The following SNAPC1 variants were observed in gnomAD, a reference collection of about 807,000 sequenced individuals.
SNAPC1 encodes the protein snRNA-activating protein complex subunit 1.
Under a neutral mutation model 50.1 loss-of-function variants are expected in SNAPC1, and 42 were observed. The ratio of observed to expected loss-of-function variants is 0.84; its 90% CI spans 0.65 to 1.08. The LOEUF (loss-of-function observed/expected upper bound fraction) is 1.08, where lower values mean the gene tolerates loss of function less well. Ranked by LOEUF, SNAPC1 falls within the 50% of genes least tolerant of loss-of-function variation. SNAPC1 has a pLI of 0.00. For missense variants in SNAPC1, 477 were observed against 427.3 expected (o/e 1.12, Z -1.02); for synonymous variants, 164 against 144.2 (o/e 1.14, Z -0.98).
At chr14:61,789,426 T>C (rs190778690) in intron 8 of SNAPC1, among the ~76,000 whole-genome samples, 31 of 152,032 alleles carry the variant, frequency 2.0e-4, no homozygotes, top group Admixed American at 5.2e-4. Context: ...ACTGAAGAAA[T>C]CTAGATGTGT....
At chr14:61,775,154 C>T (rs1236014019) in intron 4 of SNAPC1, among the ~76,000 whole-genome samples, 2 of 152,106 alleles carry the variant, frequency 1.3e-5, no homozygotes, top group Non-Finnish European at 1.5e-5. Flanking sequence ...CTGTCTTTTT[C>T]CTTACCCCAC....
At chr14:61,763,273 G>A (rs2044921847) in intron 1 of SNAPC1, among the ~76,000 whole-genome samples, 1 of 152,088 alleles carries the variant, frequency 6.6e-6, no homozygotes, top group Middle Eastern at 3.4e-3. Context: ...TTACAGGAGT[G>A]AGCCACCGCG....
intron 8 of SNAPC1, among the ~76,000 whole-genome samples, chr14:61,791,890 G>T (rs1253639997): frequency 6.6e-6 from 1 of 151,854 alleles, no homozygotes; most frequent in Non-Finnish European, 1.5e-5. Flanking sequence ...ATATTAAATG[G>T]CTTCATGCCA....
intron 4 of SNAPC1, among the ~76,000 whole-genome samples, chr14:61,775,681 G>A (rs1292858489): frequency 6.6e-6 from 1 of 152,180 alleles, no homozygotes; most frequent in African/African-American, 2.4e-5. Context: ...ATTTCCAGCA[G>A]AGCATAAAGG....
chr14:61,785,200 C>G (rs973162951), intron 8 of SNAPC1, among the ~76,000 whole-genome samples: 1 of 152,174 alleles, frequency 6.6e-6, no homozygotes, highest in East Asian at 1.9e-4. Context: ...GTTGGGAGTT[C>G]AAGACCAGCC....
At chr14:61,771,971 C>G (rs1444633434) in intron 4 of SNAPC1, among the ~76,000 whole-genome samples, 1 of 152,042 alleles carries the variant, frequency 6.6e-6, no homozygotes, top group Non-Finnish European at 1.5e-5. Context: ...TTCGGGATAC[C>G]AGAAAGTTGA....
intron 5 of SNAPC1, among the ~76,000 whole-genome samples, chr14:61,777,789 C>G (rs567937203): frequency 2.7e-4 from 41 of 152,128 alleles, no homozygotes; most frequent in African/African-American, 9.6e-4. Flanking sequence ...AGCATTACTC[C>G]AAGCTCTGAA....
chr14:61,767,346 C>A lies in SNAPC1; in HGVS notation c.423C>A (p.Pro141=). 6.9e-7 allele frequency: 1 copy of A among 1,456,894 alleles called. No homozygotes were observed. The highest frequency in any genetic ancestry group is 9.1e-7 in the Non-Finnish European group (1 of 1,098,804). The allele number at this position is 1,456,894 out of a possible 1,614,324, so 90.2% of individuals were successfully genotyped here. ...GAGCATTTCACTTTACAGCAATGCCCAAATTGGTATGTTGCCTAAAATAAT... is the reference window on the plus strand; with the variant it reads ...GAGCATTTCACTTTACAGCAATGCCAAAATTGGTATGTTGCCTAAAATAAT... The part of the protein sequence containing the change: ...LDRAFHFTAM[P]KLLSYRMKKK... The change falls in exon 3 of 10, where the codon CCC becomes CCA. Residue 141 remains proline, a synonymous_variant. Transcript: ENST00000216294.
At chr14:61,784,018 G>A (rs1002029880) in intron 8 of SNAPC1, among the ~76,000 whole-genome samples, 2 of 152,154 alleles carry the variant, frequency 1.3e-5, no homozygotes, top group African/African-American at 2.4e-5. Flanking sequence ...TAAGTTAACA[G>A]CCTTTTAGCA....
At chr14:61,784,790 A>G (rs1047572348) in intron 8 of SNAPC1, among the ~76,000 whole-genome samples, 6 of 152,208 alleles carry the variant, frequency 3.9e-5, no homozygotes, top group Admixed American at 1.3e-4. Flanking sequence ...CTCATGTTCA[A>G]TGGTAATATG....
Position 61,776,264 on chromosome 14 carries a change from A to G in SNAPC1, c.693+11A>G. On this transcript the variant is annotated intron_variant, in intron 5 of 9. Coordinates refer to ENST00000216294, the MANE Select transcript of SNAPC1 (RefSeq NM_003082.4). ...CACAAAGACAGAAAGGTATGCAATC[A>G]CTTGTTTGGTGCCTCACCATTGTAT... 1 of 1,606,096 alleles carries G rather than the reference A, an allele frequency of 6.2e-7. No homozygotes were observed.
chr14:61,794,181 A>G (rs1157245051), intron 9 of SNAPC1, among the ~76,000 whole-genome samples: 1 of 151,794 alleles, frequency 6.6e-6, no homozygotes, highest in Non-Finnish European at 1.5e-5. Context: ...AATCTTAGTC[A>G]TTTTCTTCTT....
intron 4 of SNAPC1, among the ~76,000 whole-genome samples, chr14:61,769,946 A>T (rs928880724): frequency 3.3e-5 from 5 of 152,196 alleles, no homozygotes; most frequent in African/African-American, 1.2e-4. Context: ...AGAGGAGACG[A>T]GAGGGTAAGG....
At chr14:61,783,731 G>T (rs985506065) in intron 8 of SNAPC1, among the ~76,000 whole-genome samples, 1 of 151,718 alleles carries the variant, frequency 6.6e-6, no homozygotes, top group African/African-American at 2.4e-5. Context: ...GTAGAGACGG[G>T]GTTTCACTAT....
chr14:61,796,007 CA>C lies in SNAPC1; in HGVS notation c.*1025del, dbSNP rs746607100. 17 of 152,100 alleles carry C rather than the reference CA, an allele frequency of 1.1e-4. No individual in the cohort carries two copies. The highest frequency in any genetic ancestry group is 9.8e-4 in the Admixed American group (15 of 15,270). The allele number at this position is 152,100 out of a possible 1,614,324, so 9.4% of individuals were successfully genotyped here. A position where few individuals can be genotyped will look rare whatever the true frequency, so the allele number is the denominator to read the frequency against. ...CTGTACCCAGCCTTAACCTGTTTCACAGTTGATTATACTTCATGCTGTTTTC... is the reference window on the plus strand; with the variant it reads ...CTGTACCCAGCCTTAACCTGTTTCACGTTGATTATACTTCATGCTGTTTTC... On this transcript the variant is annotated 3_prime_UTR_variant, in exon 10 of 10. Transcript: ENST00000216294.
intron 5 of SNAPC1, among the ~76,000 whole-genome samples, 168 bp downstream of exon 5, chr14:61,776,421 A>G (rs552568381): frequency 2.0e-5 from 3 of 152,036 alleles, no homozygotes; most frequent in African/African-American, 7.2e-5. Context: ...TAGGTATGTG[A>G]TGTTATTTAA....
intron 4 of SNAPC1, among the ~76,000 whole-genome samples, chr14:61,774,620 C>G (rs1236075468): frequency 1.3e-5 from 2 of 148,542 alleles, no homozygotes; most frequent in South Asian, 2.1e-4. Flanking sequence ...TATATGAGCA[C>G]TCACTCACCA....
chr14:61,782,118 TAAAGTACTTTATG>T, intron 7 of SNAPC1, 116 bp from the exon 8 acceptor site: 1 of 687,296 alleles, frequency 1.5e-6, no homozygotes, highest in Admixed American at 3.4e-5. Flanking sequence ...GGGGTAATAG[TAAAGTACTTTATG>T]ACAGATATTT....
intron 3 of SNAPC1, among the ~76,000 whole-genome samples, chr14:61,767,988 C>T (rs1005574906): frequency 1.1e-4 from 16 of 152,214 alleles, no homozygotes; most frequent in African/African-American, 3.6e-4. Flanking sequence ...CCATATTGGT[C>T]AGGCTGGTCT....
Sources: gnomAD v4.1 joint callset for allele counts (sites outside exome capture counted in the v4.1 genomes callset) on GRCh38, gnomAD v4.1.1 for gene constraint, MANE v1.5 for transcripts, NCBI Gene and HGNC (gene_info 2026-07-23, HGNC 2026-07-21) for gene names.